EYS: variants seen among roughly 807,000 people sequenced by gnomAD.
EYS encodes EGF-like photoreceptor maintenance factor.
In EYS, 250 loss-of-function variants were observed where a neutral mutation model predicts 282.1. The observed-to-expected ratio is 0.89, with a 90% CI of 0.80 to 0.98. EYS has a LOEUF of 0.98. Ranked by LOEUF, EYS falls within the 50% of genes least tolerant of loss-of-function variation. EYS has a pLI of 0.00. For missense variants in EYS, 4,016 were observed against 3,709.0 expected (o/e 1.08, Z -2.15); for synonymous variants, 1,355 against 1,282.9 (o/e 1.06, Z -1.20).
intron 1 of EYS, among the ~76,000 whole-genome samples, chr6:65,700,731 G>A (rs1031789629): frequency 3.3e-5 from 5 of 152,052 alleles, no homozygotes; most frequent in Admixed American, 3.3e-4. Flanking sequence ...TTTCATGTTT[G>A]GGTTTTCCCT....
At chr6:63,815,001 A>G in intron 36 of EYS, among the ~76,000 whole-genome samples, 1 of 152,204 alleles carries the variant, frequency 6.6e-6, no homozygotes, top group East Asian at 1.9e-4. Flanking sequence ...TTTCTAACTC[A>G]TGAATTTCTT....
intron 30 of EYS, among the ~76,000 whole-genome samples, chr6:64,304,322 A>G (rs994734832): frequency 6.6e-6 from 1 of 152,228 alleles, no homozygotes; most frequent in Non-Finnish European, 1.5e-5. Flanking sequence ...AGGGAGAAAT[A>G]GACAATTGTA....
chr6:64,863,446 T>C (rs1176269043), intron 19 of EYS, among the ~76,000 whole-genome samples: 1 of 152,230 alleles, frequency 6.6e-6, no homozygotes, highest in African/African-American at 2.4e-5. Context: ...TTCCCAGATA[T>C]AGATCACACT....
intron 31 of EYS, among the ~76,000 whole-genome samples, chr6:64,105,643 A>G (rs1772985351): frequency 6.6e-6 from 1 of 151,970 alleles, no homozygotes; most frequent in African/African-American, 2.4e-5. Flanking sequence ...CTCTTTCACT[A>G]TAGTTTTGCC....
chr6:63,949,959 G>C (rs981123602), intron 35 of EYS, among the ~76,000 whole-genome samples: 6 of 152,128 alleles, frequency 3.9e-5, no homozygotes, highest in Non-Finnish European at 8.8e-5. Flanking sequence ...GGATCACGAG[G>C]TCAGGAGTTC....
At chr6:64,282,981 C>A (rs1230439705) in intron 30 of EYS, among the ~76,000 whole-genome samples, 3 of 151,334 alleles carry the variant, frequency 2.0e-5, no homozygotes, top group Non-Finnish European at 4.4e-5. Flanking sequence ...GCTCAAAACT[C>A]TGTTTCCCAG....
chr6:65,271,433 C>T (rs147290835), intron 12 of EYS, among the ~76,000 whole-genome samples: 275 of 151,858 alleles, frequency 1.8e-3, no homozygotes, highest in African/African-American at 6.4e-3. Context: ...TGGATGGTGC[C>T]CAACCACACT....
chr6:65,334,620 A>C (rs2150313307), intron 11 of EYS, among the ~76,000 whole-genome samples: 1 of 151,906 alleles, frequency 6.6e-6, no homozygotes, highest in Non-Finnish European at 1.5e-5. Flanking sequence ...AAAGCATATG[A>C]GTTTTTGTTT....
At chr6:64,495,505 T>C (rs898728989) in intron 26 of EYS, among the ~76,000 whole-genome samples, 5 of 151,796 alleles carry the variant, frequency 3.3e-5, no homozygotes, top group Non-Finnish European at 7.4e-5. Context: ...CCAGAATAAC[T>C]CTTAAATGAG....
chr6:64,613,892 G>A (rs1476382889), intron 24 of EYS, among the ~76,000 whole-genome samples: 1 of 152,080 alleles, frequency 6.6e-6, no homozygotes, highest in Non-Finnish European at 1.5e-5. Flanking sequence ...CTCTTAACAA[G>A]GCTTGTCCTC....
chr6:64,456,110 T>A (rs1775551845), intron 26 of EYS, among the ~76,000 whole-genome samples: 1 of 152,122 alleles, frequency 6.6e-6, no homozygotes, highest in Admixed American at 6.6e-5. Context: ...AAAGTTTTAT[T>A]TAGCTTCTTT....
intron 14 of EYS, among the ~76,000 whole-genome samples, chr6:64,970,712 A>G (rs1770261135): frequency 1.3e-5 from 2 of 152,262 alleles, no homozygotes; most frequent in African/African-American, 2.4e-5. Context: ...ACACCACTGA[A>G]CCCATATGAA....
intron 12 of EYS, among the ~76,000 whole-genome samples, chr6:65,066,470 A>G (rs1282722897): frequency 1.3e-5 from 2 of 152,188 alleles, no homozygotes; most frequent in East Asian, 1.9e-4. Context: ...ATAAATGAAT[A>G]CTTTTTTGTA....
intron 30 of EYS, among the ~76,000 whole-genome samples, chr6:64,272,497 G>T (rs1767976970): frequency 6.6e-6 from 1 of 152,240 alleles, no homozygotes; most frequent in East Asian, 1.9e-4. Flanking sequence ...GCATTTGCTT[G>T]TCTGTAATGG....
At chr6:63,857,638 A>G in intron 36 of EYS, 2 of 445,344 alleles carry the variant, frequency 4.5e-6, no homozygotes, top group South Asian at 1.7e-5. Context: ...CATTTTCTGG[A>G]GCTGGAGACT....
At chr6:65,533,864 A>G (rs1457362146) in intron 2 of EYS, among the ~76,000 whole-genome samples, 3 of 152,096 alleles carry the variant, frequency 2.0e-5, no homozygotes, top group African/African-American at 7.2e-5. Context: ...ATAGACTAAG[A>G]CACTCACTCT....
rs548290800 is a variant in EYS, at chr6:64,168,256, A to G, written c.6424+62336T>C. On this transcript the variant is annotated intron_variant, in intron 31 of 42. Coordinates refer to ENST00000503581, the MANE Select transcript of EYS (RefSeq NM_001142800.2). ...AGCCTGGGCGACAGAGCGAAACTCC[A>G]TTTCAATAAATAAATAAATAAATAA... Among the ~76,000 whole-genome samples the G allele has an allele frequency of 2.8e-3, 425 of 152,274 alleles. 3 individuals carry two copies. The highest frequency in any genetic ancestry group is 9.8e-3 in the African/African-American group (406 of 41,534).
chr6:64,537,709 T>C (rs1582868199), intron 26 of EYS, among the ~76,000 whole-genome samples: 1 of 152,164 alleles, frequency 6.6e-6, no homozygotes, highest in East Asian at 1.9e-4. Context: ...TGTCCCTAAG[T>C]TTTTCTGACA....
chr6:64,413,270 T>G (rs545283108), intron 28 of EYS, among the ~76,000 whole-genome samples: 1 of 152,148 alleles, frequency 6.6e-6, no homozygotes, highest in Non-Finnish European at 1.5e-5. Flanking sequence ...ATCTAGGCTA[T>G]GGTCATACTT....
Sources: gnomAD v4.1 joint callset for allele counts (sites outside exome capture counted in the v4.1 genomes callset) on GRCh38, gnomAD v4.1.1 for gene constraint, MANE v1.5 for transcripts, NCBI Gene and HGNC (gene_info 2026-07-23, HGNC 2026-07-21) for gene names.